The following CFAP58 variants were observed in gnomAD, a reference collection of about 807,000 sequenced individuals.
CFAP58 encodes the protein cilia- and flagella-associated protein 58.
Under a neutral mutation model 119.5 loss-of-function variants are expected in CFAP58, and 88 were observed. That is an observed-to-expected ratio of 0.74 (90% CI 0.62 to 0.88). The LOEUF (loss-of-function observed/expected upper bound fraction) is 0.88, where lower values mean the gene tolerates loss of function less well. Among genes scored for constraint, CFAP58 ranks in the 40% least tolerant of loss-of-function variants. The probability of loss-of-function intolerance (pLI) is 0.00; values close to 1 mark genes in which losing one functional copy is unlikely to be tolerated. For missense variants in CFAP58, 990 were observed against 1,021.2 expected (o/e 0.97, Z 0.42); for synonymous variants, 365 against 366.3 (o/e 1.00, Z 0.04).
chr10:104,446,293 T>C (rs2013112274), intron 15 of CFAP58, among the ~76,000 whole-genome samples: 1 of 152,244 alleles, frequency 6.6e-6, no homozygotes, highest in South Asian at 2.1e-4. Context: ...GATTTCCTTG[T>C]CATTTCTGGA....
At chr10:104,340,850 C>T in the CFAP58 span, among the ~76,000 whole-genome samples, 1 of 152,118 alleles carries the variant, frequency 6.6e-6, no homozygotes, top group Admixed American at 6.5e-5. Flanking sequence ...AGATCTCTGC[C>T]TAAGGCTGGA....
rs531454621 is a variant in CFAP58, at chr10:104,379,133, C to A, written c.1174-896C>A. On this transcript the variant is annotated intron_variant, in intron 8 of 17. Transcript: ENST00000369704. ...ATCTAGTTTGACAATCTCGTCCCCC[C>A]AGAAGAAACCCTGTACCTATTCAGC... Among the ~76,000 whole-genome samples the A allele has an allele frequency of 3.5e-3, 531 of 152,134 alleles. 1 individual carries two copies. Among genetic ancestry groups the A allele is most frequent in the Non-Finnish European group, 6.1e-3 (415 of 67,996 alleles).
chr10:104,443,814 G>A (rs531910107), intron 15 of CFAP58, among the ~76,000 whole-genome samples: 1 of 152,280 alleles, frequency 6.6e-6, no homozygotes, highest in East Asian at 1.9e-4. Flanking sequence ...CCATTGTGAG[G>A]TTACAGACTG....
chr10:104,447,772 G>T lies in CFAP58; in HGVS notation c.2331G>T (p.Leu777=), dbSNP rs1443455573. The change falls in exon 16 of 18, where the codon CTG becomes CTT. Residue 777 remains leucine (L), a synonymous_variant. Transcript: ENST00000369704. ...RQPGPEAAEQ[L]KLYRRTLHDK... Reference sequence around the variant, plus strand: ...CTGGACCTGAGGCTGCGGAACAGCTGAAGCTGTACCGACGCACGCTGCATG... The same window carrying T: ...CTGGACCTGAGGCTGCGGAACAGCTTAAGCTGTACCGACGCACGCTGCATG... The T allele has an allele frequency of 9.9e-6, 16 of 1,614,010 alleles. No homozygotes were observed. Among genetic ancestry groups the T allele is most frequent in the Non-Finnish European group, 1.3e-5 (15 of 1,179,978 alleles).
chr10:104,392,842 T>C (rs1017484087), intron 10 of CFAP58, among the ~76,000 whole-genome samples: 41 of 152,126 alleles, frequency 2.7e-4, no homozygotes, highest in African/African-American at 9.7e-4. Flanking sequence ...GTTTTCACCA[T>C]GTTGGCCAGG....
Position 104,430,511 on chromosome 10 carries a change from T to TC in CFAP58, c.2257-17184dup, listed in dbSNP as rs1290488778. Among the ~76,000 whole-genome samples the TC allele has an allele frequency of 5.9e-5, 9 of 152,362 alleles. No homozygotes were observed. In the South Asian group the frequency reaches 1.9e-3, roughly 32 times the overall value. ...AGAGCTTAATACACAATTTTCCACT[T>TC]CCCTAAAATTTTATTAAGTGCTTTA... On this transcript the variant is annotated intron_variant, in intron 15 of 17. Coordinates refer to ENST00000369704, the MANE Select transcript of CFAP58 (RefSeq NM_001008723.2).
chr10:104,403,637 A>G (rs1172665741), intron 13 of CFAP58, 92 bp from the exon 14 acceptor site: 2 of 716,896 alleles, frequency 2.8e-6, no homozygotes, highest in Non-Finnish European at 4.5e-6. Context: ...AACTTTTTAT[A>G]TAAGACATAG....
At chr10:104,426,837 A>G (rs2012758858) in intron 15 of CFAP58, among the ~76,000 whole-genome samples, 2 of 152,210 alleles carry the variant, frequency 1.3e-5, no homozygotes, top group African/African-American at 4.8e-5. Flanking sequence ...GTTTCTAGGT[A>G]TGTAATCATA....
At position 104,454,731 on chromosome 10, in the gene CFAP58, C is replaced by T. The variant is rs1324099228; in HGVS notation, c.*201C>T. 1.9e-6 allele frequency: 1 copy of T among 540,526 alleles called. No individual in the cohort carries two copies. The highest frequency in any genetic ancestry group is 3.3e-6 in the Non-Finnish European group (1 of 306,210). 33.5% of individuals were successfully genotyped at this position (540,526 alleles called of 1,614,324 possible). The stretch of plus-strand genomic sequence containing the variant: ...ACGTTGATATTAACAGATCATAATT[C>T]TCTCTGTTCAGTTAGGCTGACCTAT... On this transcript the variant is annotated 3_prime_UTR_variant, in exon 18 of 18. Transcript: ENST00000369704.
In CFAP58 at chr10:104,364,815, T is replaced by A. The variant is rs1395213855; in HGVS notation, c.523T>A (p.Ser175Thr). ...LLSEVVKLRE[S>T]LAQTTEQQQE... Reference sequence around the variant, plus strand: ...ATCAGAAGTGGTAAAATTACGAGAATCCCTAGCTCAGACCACTGAACAGCA... The same window carrying A: ...ATCAGAAGTGGTAAAATTACGAGAAACCCTAGCTCAGACCACTGAACAGCA... The change falls in exon 4 of 18, where the codon TCC becomes ACC. Residue 175 changes from serine (S) to threonine (T), a missense_variant. Ser to Thr is a moderately conservative substitution (Grantham distance 58). Coordinates refer to ENST00000369704, the MANE Select transcript of CFAP58 (RefSeq NM_001008723.2). The A allele has an allele frequency of 6.2e-7, 1 of 1,612,292 alleles. No individual in the cohort carries two copies.
intron 1 of CFAP58, among the ~76,000 whole-genome samples, chr10:104,356,281 T>C (rs895200201): frequency 3.3e-5 from 5 of 152,222 alleles, no homozygotes; most frequent in African/African-American, 1.2e-4. Flanking sequence ...ATAGTACAAG[T>C]GTTTTCGAAA....
Position 104,393,440 on chromosome 10 carries a change from C to T in CFAP58, c.1639C>T (p.Gln547Ter), listed in dbSNP as rs2012091759. 6.2e-7 allele frequency: 1 copy of T among 1,613,780 alleles called. No individual in the cohort carries two copies. The highest frequency in any genetic ancestry group is 8.5e-7 in the Non-Finnish European group (1 of 1,179,852). ...CGCACTTGTGAAGCTGCACCTGGAA[C>T]AGCAGCGAATAGAAAAGGAAAAGGA... ...ESALVKLHLE[Q>*]QRIEKEKETL... is the part of the protein sequence containing the mutation. Residue 547 changes from glutamine (Q) to a stop codon, truncating the protein, a stop_gained, in exon 11 of 18, where the codon CAG becomes TAG. Coordinates refer to ENST00000369704, the MANE Select transcript of CFAP58 (RefSeq NM_001008723.2). LOFTEE classifies it high-confidence loss of function.
chr10:104,433,266 G>T (rs117830204), intron 15 of CFAP58, among the ~76,000 whole-genome samples: 1 of 152,072 alleles, frequency 6.6e-6, no homozygotes, highest in African/African-American at 2.4e-5. Context: ...CCTAATTTTT[G>T]AATTTTTTGT....
chr10:104,338,837 A>C, the CFAP58 span, among the ~76,000 whole-genome samples: 4 of 152,032 alleles, frequency 2.6e-5, no homozygotes, highest in South Asian at 8.3e-4. Context: ...TTGGAGGAAA[A>C]TATAACTCTA....
At chr10:104,364,310 T>C (rs1245919633) in intron 3 of CFAP58, among the ~76,000 whole-genome samples, 10 of 152,056 alleles carry the variant, frequency 6.6e-5, no homozygotes, top group Non-Finnish European at 1.3e-4. Flanking sequence ...AGTCTTATCA[T>C]AACAAATTCA....
intron 15 of CFAP58, among the ~76,000 whole-genome samples, chr10:104,423,598 A>T (rs2012695651): frequency 6.6e-6 from 1 of 152,072 alleles, no homozygotes; most frequent in African/African-American, 2.4e-5. Context: ...CTGAAAAAGG[A>T]AATAAGTAGA....
intron 9 of CFAP58, among the ~76,000 whole-genome samples, chr10:104,390,209 A>G (rs2012004874): frequency 6.6e-6 from 1 of 152,258 alleles, no homozygotes; most frequent in Admixed American, 6.5e-5. Flanking sequence ...CAGAGTGGCA[A>G]AAAAGTGGAA....
At chr10:104,365,584 T>A (rs2014730475) in intron 4 of CFAP58, among the ~76,000 whole-genome samples, 1 of 152,160 alleles carries the variant, frequency 6.6e-6, no homozygotes, top group Non-Finnish European at 1.5e-5. Context: ...TGTGGATTTG[T>A]TGCCCACCAT....
intron 16 of CFAP58, among the ~76,000 whole-genome samples, chr10:104,449,100 A>G (rs2013154109): frequency 1.3e-5 from 2 of 151,474 alleles, no homozygotes; most frequent in Admixed American, 6.6e-5. Flanking sequence ...CTTATAGGAA[A>G]TTCCACATTC....
Sources: allele counts gnomAD v4.1 joint callset (sites outside exome capture counted in the v4.1 genomes callset), GRCh38; gene constraint gnomAD v4.1.1; transcripts MANE v1.5; gene names NCBI Gene and HGNC (gene_info 2026-07-23, HGNC 2026-07-21).